Variants in AGFG1 observed in about 807,000 individuals in gnomAD.
AGFG1 encodes the protein ArfGAP with FG repeats 1.
Under a neutral mutation model 60.6 loss-of-function variants are expected in AGFG1, and 10 were observed. The observed-to-expected ratio is 0.16, with a 90% CI of 0.10 to 0.28. AGFG1 has a LOEUF of 0.28. Ranked by LOEUF, AGFG1 falls within the 10% of genes least tolerant of loss-of-function variation. The pLI is 1.00. For missense variants in AGFG1, 537 were observed against 676.5 expected, an observed-to-expected ratio of 0.79 and a Z score of 2.29; for synonymous variants, 247 against 242.9, an observed-to-expected ratio of 1.02 and a Z score of -0.16.
chr2:227,527,962 T>C (rs1559188735), intron 5 of AGFG1, among the ~76,000 whole-genome samples: 3 of 152,184 alleles, frequency 2.0e-5, no homozygotes, highest in African/African-American at 7.2e-5. Context: ...CTTTGCCTTA[T>C]TTTACTTACC....
At chr2:227,496,492 A>G (rs1199146011) in intron 2 of AGFG1, among the ~76,000 whole-genome samples, 1 of 151,884 alleles carries the variant, frequency 6.6e-6, no homozygotes, top group Non-Finnish European at 1.5e-5. Context: ...AACTGTCCTT[A>G]GGTCCTAGGG....
chr2:227,491,148 C>T (rs1690804310), intron 1 of AGFG1, among the ~76,000 whole-genome samples: 1 of 152,006 alleles, frequency 6.6e-6, no homozygotes, highest in African/African-American at 2.4e-5. Flanking sequence ...TTGTATAGCT[C>T]TGGTCTTATT....
rs1692147355 is a variant in AGFG1 at position 227,531,204 on chromosome 2, A to G, written c.808A>G (p.Thr270Ala). ...TASHSPFQPQ[T>A]TGGSAASVNA... ...AAGTCACTCTCCTTTTCAGCCCCAA[A>G]CTACAGGTAGAGCTTCTCCAGCATT... is the stretch of plus-strand genomic sequence containing the variant. The change falls in exon 6 of 13, where the codon ACT (threonine) becomes GCT (alanine). Residue 270 changes from threonine to alanine, a missense_variant. By Grantham distance (58) the Thr-to-Ala change is moderately conservative (BLOSUM62 0). Coordinates refer to ENST00000310078, the MANE Select transcript of AGFG1 (RefSeq NM_004504.5). The G allele has an allele frequency of 1.2e-6, 2 of 1,613,408 alleles. No individual in the cohort carries two copies. The highest frequency in any genetic ancestry group is 1.7e-6 in the Non-Finnish European group (2 of 1,179,696).
At chr2:227,518,243 G>T (rs141270772) in intron 2 of AGFG1, among the ~76,000 whole-genome samples, 243 of 152,256 alleles carry the variant, frequency 1.6e-3, no homozygotes, top group Middle Eastern at 3.4e-3. Flanking sequence ...GTTATTATCA[G>T]TAAAGCTGCT....
chr2:227,502,876 T>A (rs1691201391), intron 2 of AGFG1, among the ~76,000 whole-genome samples: 1 of 152,200 alleles, frequency 6.6e-6, no homozygotes, highest in South Asian at 2.1e-4. Context: ...ATATATACAC[T>A]TCTAGCTCTA....
At chr2:227,492,513 C>T (rs1314357817) in intron 2 of AGFG1, among the ~76,000 whole-genome samples, 2 of 151,926 alleles carry the variant, frequency 1.3e-5, no homozygotes, top group Non-Finnish European at 2.9e-5. Context: ...TTAATCTTCT[C>T]CTTGGACCCT....
intron 2 of AGFG1, among the ~76,000 whole-genome samples, chr2:227,501,968 C>T (rs754924342): frequency 2.0e-5 from 3 of 152,082 alleles, no homozygotes; most frequent in Admixed American, 6.5e-5. Flanking sequence ...AAGCAGTTCT[C>T]CCACCTTAAC....
chr2:227,552,868 G>C (rs1031280014), intron 11 of AGFG1, among the ~76,000 whole-genome samples: 2 of 151,790 alleles, frequency 1.3e-5, no homozygotes, highest in Non-Finnish European at 2.9e-5. Context: ...AGGCGTGGTG[G>C]CACATGCCTG....
At chr2:227,520,963 T>G (rs1455624507) in intron 3 of AGFG1, among the ~76,000 whole-genome samples, 1 of 152,234 alleles carries the variant, frequency 6.6e-6, no homozygotes, top group East Asian at 1.9e-4. Context: ...ACATTTGTTG[T>G]GGTTTACAGC....
chr2:227,521,627 A>G (rs1306566246), intron 3 of AGFG1, among the ~76,000 whole-genome samples: 1 of 152,208 alleles, frequency 6.6e-6, no homozygotes, highest in Non-Finnish European at 1.5e-5. Flanking sequence ...TTCTCCTTAC[A>G]TAGCCCTAAC....
Position 227,556,393 on chromosome 2 carries a change from C to A in AGFG1, c.*1898C>A, listed in dbSNP as rs985454048. 6.6e-6 allele frequency: 1 copy of A among 152,564 alleles called. No homozygotes were observed. Among genetic ancestry groups the A allele is most frequent in the Non-Finnish European group, 1.5e-5 (1 of 68,034 alleles). 9.5% of individuals were successfully genotyped at this position (152,564 alleles called of 1,614,324 possible). On this transcript the variant is annotated 3_prime_UTR_variant, in exon 13 of 13. Coordinates refer to ENST00000310078, the MANE Select transcript of AGFG1 (RefSeq NM_004504.5). ...GCAAGATGACTGGGAAATCTCTGCC[C>A]CTTTTCTGAGCAGTATGCCTCTTCT...
At chr2:227,496,242 A>G (rs1313089382) in intron 2 of AGFG1, among the ~76,000 whole-genome samples, 1 of 152,168 alleles carries the variant, frequency 6.6e-6, no homozygotes, top group East Asian at 1.9e-4. Flanking sequence ...AAACAAAACA[A>G]AATGATTGCT....
At chr2:227,490,756 A>G (rs551171923) in intron 1 of AGFG1, among the ~76,000 whole-genome samples, 2 of 152,316 alleles carry the variant, frequency 1.3e-5, no homozygotes, top group South Asian at 2.1e-4. Flanking sequence ...AGATAGTTGG[A>G]CAACATGTAA....
rs972429914 is a variant in AGFG1 at position 227,527,442 on chromosome 2, T to G, written c.694+2527T>G. Reference sequence around the variant, plus strand: ...AAAAGGATCATACTTTATGACAAGTTTTTATGCTGTTTTAATGTTTCAGTC... The same window carrying G: ...AAAAGGATCATACTTTATGACAAGTGTTTATGCTGTTTTAATGTTTCAGTC... On this transcript the variant is annotated intron_variant, in intron 5 of 12. Transcript: ENST00000310078. Among the ~76,000 whole-genome samples the G allele has an allele frequency of 3.3e-5, 5 of 152,350 alleles. No homozygotes were observed. The East Asian group carries it at 9.6e-4, about 29-fold the overall frequency.
At chr2:227,541,055 T>G (rs1692478269) in intron 10 of AGFG1, among the ~76,000 whole-genome samples, 1 of 152,232 alleles carries the variant, frequency 6.6e-6, no homozygotes, top group African/African-American at 2.4e-5. Flanking sequence ...TTGATTTTTT[T>G]TCTTGTAAAT....
At chr2:227,507,727 T>C (rs796872211) in intron 2 of AGFG1, among the ~76,000 whole-genome samples, 1 of 151,852 alleles carries the variant, frequency 6.6e-6, no homozygotes, top group Admixed American at 6.6e-5. Flanking sequence ...TTTAAGAACA[T>C]TAAAACTATT....
Position 227,554,693 on chromosome 2 carries a change from G to T in AGFG1, c.*198G>T. 4.2e-6 allele frequency: 2 copies of T among 478,954 alleles called. No homozygotes were observed. The highest frequency in any genetic ancestry group is 5.4e-4 in the Middle Eastern group (1 of 1,846). The allele number at this position is 478,954 out of a possible 1,614,324, so 29.7% of individuals were successfully genotyped here. A position where few individuals can be genotyped will look rare whatever the true frequency, so the allele number is the denominator to read the frequency against. On this transcript the variant is annotated 3_prime_UTR_variant, in exon 13 of 13. Coordinates refer to ENST00000310078, the MANE Select transcript of AGFG1 (RefSeq NM_004504.5). The stretch of plus-strand genomic sequence containing the variant: ...GTAACACCTTCTAACCTGTGAATTG[G>T]CAGAAAAGGGTAGCGGTATCATGTA...
chr2:227,516,195 T>G (rs1691645551), intron 2 of AGFG1, among the ~76,000 whole-genome samples: 1 of 152,238 alleles, frequency 6.6e-6, no homozygotes, highest in African/African-American at 2.4e-5. Flanking sequence ...CACTTCAGAA[T>G]AACCTGGAGG....
intron 2 of AGFG1, among the ~76,000 whole-genome samples, chr2:227,500,848 A>G (rs1691133212): frequency 6.6e-6 from 1 of 151,974 alleles, no homozygotes. Flanking sequence ...GCTGGAGTGC[A>G]GTGGCATGAT....
Sources: gnomAD v4.1 joint callset for allele counts (sites outside exome capture counted in the v4.1 genomes callset) on GRCh38, gnomAD v4.1.1 for gene constraint, MANE v1.5 for transcripts, NCBI Gene and HGNC (gene_info 2026-07-23, HGNC 2026-07-21) for gene names.